Variants in PKN2 observed in about 807,000 individuals in gnomAD.
The protein encoded by PKN2 is protein kinase N2, also known as serine/threonine-protein kinase N2.
PKN2 carries 38 observed loss-of-function variants against 119.1 expected under a neutral mutation model. That is an observed-to-expected ratio of 0.32 (90% CI 0.25 to 0.42). The LOEUF (loss-of-function observed/expected upper bound fraction) is 0.42. Ranked by LOEUF, PKN2 falls within the 10% of genes least tolerant of loss-of-function variation. The probability of loss-of-function intolerance (pLI) is 1.00; values close to 1 mark genes in which losing one functional copy is unlikely to be tolerated. For missense variants in PKN2, 850 were observed against 1,165.1 expected (o/e 0.73, Z 3.94); for synonymous variants, 390 against 384.9 (o/e 1.01, Z -0.15).
chr1:88,774,370 C>G (rs973908301), intron 6 of PKN2, among the ~76,000 whole-genome samples: 1 of 152,202 alleles, frequency 6.6e-6, no homozygotes, highest in Non-Finnish European at 1.5e-5. Flanking sequence ...TAATGTGGCT[C>G]AAAGCCTCAA....
intron 8 of PKN2, among the ~76,000 whole-genome samples, chr1:88,788,719 A>G (rs903036780): frequency 6.6e-6 from 1 of 152,168 alleles, no homozygotes; most frequent in African/African-American, 2.4e-5. Flanking sequence ...TGCTGGGATT[A>G]CACTCCTGAA....
chr1:88,787,891 G>A (rs890641993), intron 8 of PKN2, among the ~76,000 whole-genome samples: 6 of 151,934 alleles, frequency 3.9e-5, no homozygotes, highest in African/African-American at 1.5e-4. Context: ...ATTAAAATAG[G>A]TCCTTCTGTT....
intron 1 of PKN2, among the ~76,000 whole-genome samples, chr1:88,702,712 A>G (rs1374927021): frequency 6.6e-6 from 1 of 152,226 alleles, no homozygotes; most frequent in Non-Finnish European, 1.5e-5. Flanking sequence ...AATTTAAGTC[A>G]AGGAGCTATA....
intron 1 of PKN2, among the ~76,000 whole-genome samples, chr1:88,701,865 T>TAG (rs1025557185): frequency 6.6e-5 from 10 of 152,344 alleles, no homozygotes; most frequent in African/African-American, 2.4e-4. Flanking sequence ...TGGATAGCAA[T>TAG]AGAAGAGATG....
chr1:88,717,889 ATT>A (rs1041917431), intron 1 of PKN2, among the ~76,000 whole-genome samples: 1 of 151,796 alleles, frequency 6.6e-6, no homozygotes, highest in Admixed American at 6.6e-5. Flanking sequence ...GGTTTTTAGA[ATT>A]TTCAGCTTTT....
intron 6 of PKN2, among the ~76,000 whole-genome samples, chr1:88,773,857 G>A (rs546808794): frequency 2.0e-5 from 3 of 152,192 alleles, no homozygotes; most frequent in African/African-American, 7.2e-5. Flanking sequence ...ACTACTGAGA[G>A]GTAGGTTAAA....
Position 88,716,539 on chromosome 1 carries a change from A to G in PKN2, c.49-24449A>G, listed in dbSNP as rs1248816113. ...TTTTTGTTGAATTGATCCCTTTACT[A>G]TTATGTAATGGCCTTCTTTGTCTCT... On this transcript the variant is annotated intron_variant, in intron 1 of 21. Transcript: ENST00000370521. 2.6e-5 allele frequency among the ~76,000 whole-genome samples: 4 copies of G among 152,144 alleles called. 1 individual carries two copies. In the South Asian group the frequency reaches 6.2e-4, roughly 24 times the overall value.
rs1393738716 is a variant in PKN2 at position 88,833,535 on chromosome 1, G to A, written c.*87G>A. 2 of 969,144 alleles carry A rather than the reference G, an allele frequency of 2.1e-6. No individual in the cohort carries two copies. The highest frequency in any genetic ancestry group is 3.2e-6 in the Non-Finnish European group (2 of 628,796). 60.0% of individuals were successfully genotyped at this position (969,144 alleles called of 1,614,324 possible). On this transcript the variant is annotated 3_prime_UTR_variant, in exon 22 of 22. Coordinates refer to ENST00000370521, the MANE Select transcript of PKN2 (RefSeq NM_006256.4). ...TCATTTGCTCTCTGTGCCACCAATA[G>A]CTTCTGAGTTTTTTGTTGTTGTTGT... is the stretch of plus-strand genomic sequence containing the variant.
intron 1 of PKN2, among the ~76,000 whole-genome samples, chr1:88,719,162 C>T (rs1032090766): frequency 1.3e-5 from 2 of 152,196 alleles, no homozygotes; most frequent in African/African-American, 4.8e-5. Flanking sequence ...ACATTTGTGT[C>T]AAATTGCCAG....
chr1:88,764,037 T>C (rs1019745553), intron 3 of PKN2, among the ~76,000 whole-genome samples: 1 of 152,192 alleles, frequency 6.6e-6, no homozygotes, highest in Non-Finnish European at 1.5e-5. Flanking sequence ...TTTTCAGATA[T>C]TTTCACCCTC....
In PKN2 at chr1:88,823,885, T is replaced by C. The variant is rs537704894; in HGVS notation, c.2343-425T>C. Among the ~76,000 whole-genome samples, 3 of 151,508 alleles carry C rather than the reference T, an allele frequency of 2.0e-5. No homozygotes were observed. The East Asian group carries it at 5.8e-4, about 29-fold the overall frequency. The stretch of plus-strand genomic sequence containing the variant: ...TTAGCCGGGTGTAGTGGCACGCGAC[T>C]GTAGTCCCAGCTACTCGGGAGGCTG... On this transcript the variant is annotated intron_variant, in intron 17 of 21. Coordinates refer to ENST00000370521, the MANE Select transcript of PKN2 (RefSeq NM_006256.4).
chr1:88,823,704 A>T (rs1338447380), intron 17 of PKN2, among the ~76,000 whole-genome samples: 12 of 103,624 alleles, frequency 1.2e-4, no homozygotes, highest in African/African-American at 5.8e-4. Flanking sequence ...ACTCTGTCTT[A>T]AAAAAAAAAA....
At chr1:88,783,012 A>G (rs1222130159) in intron 6 of PKN2, among the ~76,000 whole-genome samples, 1 of 152,200 alleles carries the variant, frequency 6.6e-6, no homozygotes, top group Admixed American at 6.5e-5. Flanking sequence ...AGGGGTAATT[A>G]TTCTCTACTG....
At chr1:88,776,165 G>A (rs112534865) in intron 6 of PKN2, among the ~76,000 whole-genome samples, 1 of 148,254 alleles carries the variant, frequency 6.7e-6, no homozygotes, top group African/African-American at 2.5e-5. Flanking sequence ...TTTTACCTGC[G>A]TTTGTCTTCC....
Position 88,781,826 on chromosome 1 carries a change from G to A in PKN2, c.986-2813G>A, listed in dbSNP as rs551486671. ...TTTACAGTGGAAGTTAGCTAAATTT[G>A]CCAGTTTAACAACAACAAAACAAAT... On this transcript the variant is annotated intron_variant, in intron 6 of 21. Transcript: ENST00000370521. 3.3e-5 allele frequency among the ~76,000 whole-genome samples: 5 copies of A among 152,136 alleles called. No individual in the cohort carries two copies. The South Asian group carries it at 1.0e-3, about 32-fold the overall frequency.
intron 1 of PKN2, among the ~76,000 whole-genome samples, chr1:88,702,823 A>G (rs1027678312): frequency 1.3e-5 from 2 of 152,188 alleles, no homozygotes; most frequent in Non-Finnish European, 2.9e-5. Context: ...CTTTGGGAGA[A>G]TTAGATTTAA....
intron 15 of PKN2, among the ~76,000 whole-genome samples, chr1:88,810,214 A>G (rs1335157261): frequency 6.6e-6 from 1 of 151,520 alleles, no homozygotes; most frequent in Admixed American, 6.6e-5. Flanking sequence ...TCTCCCTTTC[A>G]GGTTCAAGTG....
intron 1 of PKN2, among the ~76,000 whole-genome samples, chr1:88,691,561 A>G (rs1031701767): frequency 3.9e-5 from 6 of 152,186 alleles, no homozygotes; most frequent in Admixed American, 2.6e-4. Flanking sequence ...CTGTCTGTCA[A>G]TCATTTTAAT....
intron 1 of PKN2, among the ~76,000 whole-genome samples, chr1:88,726,710 G>T (rs1342137486): frequency 2.0e-5 from 3 of 151,880 alleles, no homozygotes; most frequent in Non-Finnish European, 4.4e-5. Flanking sequence ...GGAGAATATT[G>T]TATAATATAG....
Sources: allele counts gnomAD v4.1 joint callset (sites outside exome capture counted in the v4.1 genomes callset), GRCh38; gene constraint gnomAD v4.1.1; transcripts MANE v1.5; gene names NCBI Gene and HGNC (gene_info 2026-07-23, HGNC 2026-07-21).